The following SPEG variants were observed in gnomAD, a reference collection of about 807,000 sequenced individuals.
The protein encoded by SPEG is striated muscle preferentially expressed protein kinase.
A neutral mutation model predicts 300.4 loss-of-function variants in SPEG; 114 were observed. The ratio of observed to expected loss-of-function variants is 0.38; its 90% CI spans 0.33 to 0.44. SPEG has a LOEUF of 0.44. SPEG is among the 20% of genes least tolerant of loss of function. The pLI is 1.00. For synonymous variants in SPEG, 1,964 were observed against 2,018.9 expected, an observed-to-expected ratio of 0.97 and a Z score of 0.73; for missense variants, 4,201 against 4,586.2, an observed-to-expected ratio of 0.92 and a Z score of 2.43.
chr2:219,441,888 TC>T (rs1205785501), intron 1 of SPEG: 3 of 219,606 alleles, frequency 1.4e-5, no homozygotes, highest in Admixed American at 5.8e-5. Context: ...GCCGCCGCCG[TC>T]GCCGCCTTAC....
Position 219,481,670 on chromosome 2 carries a change from C to G in SPEG, c.5555C>G (p.Pro1852Arg). ...RPTAEETLEH[P>R]WFKTQAKGAE... The stretch of plus-strand genomic sequence containing the variant: ...ACCGCAGAAGAGACCCTAGAACATC[C>G]TTGGTTCAAAGTGAGTCTAGTCTGC... The change falls in exon 28 of 41, where the codon CCT becomes CGT. Residue 1852 changes from proline (P) to arginine (R), a missense_variant. By Grantham distance (103) the Pro-to-Arg change is moderately radical (BLOSUM62 -2). Transcript: ENST00000312358. The surrounding 1 kb of genome is among the most constrained non-coding windows in gnomAD (Gnocchi z 5.4). 6.2e-7 allele frequency: 1 copy of G among 1,614,142 alleles called. No homozygotes were observed. The highest frequency in any genetic ancestry group is 1.7e-5 in the Admixed American group (1 of 60,018).
At position 219,489,132 on chromosome 2, in the gene SPEG, CTGT is replaced by C. The variant is rs1693725741; in HGVS notation, c.8229_8231del (p.Val2744del). 3 of 1,614,004 alleles carry C rather than the reference CTGT, an allele frequency of 1.9e-6. No homozygotes were observed. The highest frequency in any genetic ancestry group is 2.5e-6 in the Non-Finnish European group (3 of 1,179,964). Reference sequence around the variant, plus strand: ...GTGACCCACCTGCCAGTTGGCGTGACTGTGAGGTTCCGTGTGGCCTGTGCCAAC... The same window carrying C: ...GTGACCCACCTGCCAGTTGGCGTGACGAGGTTCCGTGTGGCCTGTGCCAAC... On this transcript the variant is annotated inframe_deletion, in exon 35 of 41. Transcript: ENST00000312358.
Position 219,472,948 on chromosome 2 carries a change from G to C in SPEG, c.3999G>C (p.Thr1333=), listed in dbSNP as rs55684906. The change falls in exon 16 of 41, where the codon ACG becomes ACC. Residue 1333 remains threonine (T), a synonymous_variant. Transcript: ENST00000312358. The part of the protein sequence containing the change: ...QHQVLGSDQW[T]ALVTGLREPG... ...AGGTGCTGGGCTCGGACCAGTGGAC[G>C]GCACTGGTCACAGGCCTGCGGGAGC... 1 of 1,613,628 alleles carries C rather than the reference G, an allele frequency of 6.2e-7. No individual in the cohort carries two copies. Among genetic ancestry groups the C allele is most frequent in the Non-Finnish European group, 8.5e-7 (1 of 1,179,952 alleles).
In SPEG at chr2:219,477,217, C is replaced by CTGGTACAGCGGCTT. The variant is rs1372989024; in HGVS notation, c.4561-60_4561-59insTGGTACAGCGGCTT. The CTGGTACAGCGGCTT allele has an allele frequency of 5.2e-6, 8 of 1,539,384 alleles. No homozygotes were observed. Among genetic ancestry groups the CTGGTACAGCGGCTT allele is most frequent in the Non-Finnish European group, 7.0e-6 (8 of 1,144,628 alleles). ...CGCTGCCCAGAGTAGGAGATGAGGC[C>CTGGTACAGCGGCTT]CTGGCCCCAAGGTAGAGATGAGGCC... On this transcript the variant is annotated intron_variant, in intron 19 of 40. Coordinates refer to ENST00000312358, the MANE Select transcript of SPEG (RefSeq NM_005876.5). This position sits in a 1 kb window ranked among gnomAD's most constrained non-coding sequence, Gnocchi z 6.4.
rs772903212 is a variant in SPEG, at chr2:219,489,980, G to A, written c.8921+41G>A. On this transcript the variant is annotated intron_variant, in intron 36 of 40. Transcript: ENST00000312358. ...GAAGGGAAGAGGACAGAGGGGAGTG[G>A]GCCAAATGTCTGGAGCACATGGCTT... 3.9e-6 allele frequency: 6 copies of A among 1,521,060 alleles called. No homozygotes were observed. In the East Asian group the frequency reaches 1.1e-4, roughly 29 times the overall value. 94.2% of individuals were successfully genotyped at this position (1,521,060 alleles called of 1,614,324 possible). A position where few individuals can be genotyped will look rare whatever the true frequency, so the allele number is the denominator to read the frequency against.
chr2:219,460,959 G>A, intron 6 of SPEG: 2 of 985,938 alleles, frequency 2.0e-6, no homozygotes, highest in South Asian at 4.7e-5. Context: ...GAGCCTTCAG[G>A]ACAGGCACAG....
intron 6 of SPEG, among the ~76,000 whole-genome samples, chr2:219,457,557 C>G (rs752551067): frequency 6.6e-6 from 1 of 152,208 alleles, no homozygotes; most frequent in South Asian, 2.1e-4. Flanking sequence ...GCTTTCCAGC[C>G]TGGATGACAG....
Position 219,440,561 on chromosome 2 carries a change from T to TTTTATTTATTTA in SPEG, c.389-4059_389-4048dup, listed in dbSNP as rs10606358. 8.2e-4 allele frequency among the ~76,000 whole-genome samples: 118 copies of TTTTATTTATTTA among 143,652 alleles called. 1 individual carries two copies. The highest frequency in any genetic ancestry group is 2.0e-3 in the South Asian group (9 of 4,414). 94.2% of individuals were successfully genotyped at this position (143,652 alleles called of 152,430 possible). A position where few individuals can be genotyped will look rare whatever the true frequency, so the allele number is the denominator to read the frequency against. ...TCAGTCTGTCCCTGTATTTATTTTATTTTATTTATTTATTTATTTATTTAT... is the reference window on the plus strand; with the variant it reads ...TCAGTCTGTCCCTGTATTTATTTTATTTTATTTATTTATTTATTTATTTATTTATTTATTTAT... On this transcript the variant is annotated intron_variant, in intron 1 of 40. Coordinates refer to ENST00000312358, the MANE Select transcript of SPEG (RefSeq NM_005876.5).
chr2:219,451,131 G>C lies in SPEG; in HGVS notation c.2114-5G>C. ...CCCTTACCCCGTTATTCCTGTGTCCGGCAGAGTCTTCGGATGACTCCTACG... is the reference window on the plus strand; with the variant it reads ...CCCTTACCCCGTTATTCCTGTGTCCCGCAGAGTCTTCGGATGACTCCTACG... On this transcript the variant is annotated splice_polypyrimidine_tract_variant and splice_region_variant and intron_variant, in intron 4 of 40. Transcript: ENST00000312358. This position sits in a 1 kb window ranked among gnomAD's most constrained non-coding sequence, Gnocchi z 6.4. 1.2e-6 allele frequency: 2 copies of C among 1,608,880 alleles called. No homozygotes were observed.
chr2:219,473,169 C>A lies in SPEG; in HGVS notation c.4147+73C>A. On this transcript the variant is annotated intron_variant, in intron 16 of 40. Transcript: ENST00000312358. The surrounding 1 kb of genome is among the most constrained non-coding windows in gnomAD (Gnocchi z 4.6). The stretch of plus-strand genomic sequence containing the variant: ...GGGAATGGGGGCCCTGTGGTGGAGG[C>A]TCAAGGGATGGCCTGGACATGGTAA... 2 of 1,425,874 alleles carry A rather than the reference C, an allele frequency of 1.4e-6. No homozygotes were observed. Among genetic ancestry groups the A allele is most frequent in the Non-Finnish European group, 9.6e-7 (1 of 1,040,208 alleles). 88.3% of individuals were successfully genotyped at this position (1,425,874 alleles called of 1,614,324 possible).
intron 13 of SPEG, among the ~76,000 whole-genome samples, chr2:219,470,327 G>C (rs1298221916): frequency 6.6e-6 from 1 of 152,140 alleles, no homozygotes; most frequent in Non-Finnish European, 1.5e-5. Flanking sequence ...GGATGTCCCT[G>C]TCACCCATGC....
In SPEG at chr2:219,444,862, A is replaced by AC; in HGVS notation, c.521dup (p.Thr175AspfsTer63). On this transcript the variant is annotated frameshift_variant, in exon 3 of 41. Coordinates refer to ENST00000312358, the MANE Select transcript of SPEG (RefSeq NM_005876.5). LOFTEE classifies it high-confidence loss of function. The surrounding 1 kb of genome is among the most constrained non-coding windows in gnomAD (Gnocchi z 7.8). ...CCCTGGTGGGCACCTCCCTGGACAC[A>AC]CCCCCGACCTCCGTGACAGGCACCT... The AC allele has an allele frequency of 6.4e-7, 1 of 1,570,130 alleles. No individual in the cohort carries two copies. Among genetic ancestry groups the AC allele is most frequent in the Non-Finnish European group, 8.6e-7 (1 of 1,157,642 alleles).
At chr2:219,476,236 G>GTTAC (rs34782665) in intron 18 of SPEG, among the ~76,000 whole-genome samples, 107,976 of 151,782 alleles carry the variant, frequency 0.71, 38,701 homozygotes, top group East Asian at 0.85. Context: ...GTATTTGGGG[G>GTTAC]TTGTTTGTTC....
At position 219,473,709 on chromosome 2, in the gene SPEG, C is replaced by T. The variant is rs1251910057; in HGVS notation, c.4272-19C>T. 1 of 1,612,718 alleles carries T rather than the reference C, an allele frequency of 6.2e-7. No homozygotes were observed. The highest frequency in any genetic ancestry group is 8.5e-7 in the Non-Finnish European group (1 of 1,179,114). On this transcript the variant is annotated intron_variant, in intron 17 of 40. Coordinates refer to ENST00000312358, the MANE Select transcript of SPEG (RefSeq NM_005876.5). This position sits in a 1 kb window ranked among gnomAD's most constrained non-coding sequence, Gnocchi z 4.6. ...CCTGGGGCAAGATCTGGGTGACCTC[C>T]CTGTCATGTGTCCCCTAGCTGCCGA...
At chr2:219,460,222 G>C (rs755324138) in intron 6 of SPEG, 4 of 789,314 alleles carry the variant, frequency 5.1e-6, no homozygotes, top group Non-Finnish European at 6.1e-6. Flanking sequence ...TGAGGGGGCA[G>C]AGGTGGGATT....
At chr2:219,462,243 C>G in intron 7 of SPEG, 55 bp from the exon 8 acceptor site, 4 of 1,456,546 alleles carry the variant, frequency 2.7e-6, no homozygotes, top group Non-Finnish European at 3.8e-6. Context: ...CCACAGCCCC[C>G]AGGACCCAAG....
At chr2:219,440,094 A>G (rs1205263403) in intron 1 of SPEG, among the ~76,000 whole-genome samples, 2 of 152,218 alleles carry the variant, frequency 1.3e-5, no homozygotes, top group Admixed American at 1.3e-4. Flanking sequence ...CTTTAGAATA[A>G]AAGAGCAGCC....
intron 3 of SPEG, among the ~76,000 whole-genome samples, chr2:219,446,453 C>G (rs1245596159): frequency 6.6e-6 from 1 of 152,180 alleles, no homozygotes; most frequent in Admixed American, 6.5e-5. Flanking sequence ...TGCGGCCCTT[C>G]CCCCAGAGAA....
intron 6 of SPEG, among the ~76,000 whole-genome samples, chr2:219,456,055 T>G (rs756205873): frequency 2.4e-4 from 36 of 152,358 alleles, no homozygotes; most frequent in Admixed American, 1.2e-3. Flanking sequence ...AGTGAGGATC[T>G]TCACACCAGC....
Sources: gnomAD v4.1 joint callset for allele counts (sites outside exome capture counted in the v4.1 genomes callset) on GRCh38, gnomAD v4.1.1 for gene constraint, Gnocchi (gnomAD v3.1) non-coding constraint, MANE v1.5 for transcripts, NCBI Gene and HGNC (gene_info 2026-07-23, HGNC 2026-07-21) for gene names.